Variants in ZFAND3 observed in about 807,000 individuals in gnomAD.
The protein encoded by ZFAND3 is AN1-type zinc finger protein 3.
In ZFAND3, 10 loss-of-function variants were observed where a neutral mutation model predicts 29.6. The ratio of observed to expected loss-of-function variants is 0.34; its 90% CI spans 0.21 to 0.57. The LOEUF is 0.57. Ranked by LOEUF, ZFAND3 falls within the 20% of genes least tolerant of loss-of-function variation. The pLI is 0.86. For missense variants in ZFAND3, 230 were observed against 304.5 expected (o/e 0.76, Z 1.82); for synonymous variants, 128 against 112.6 (o/e 1.14, Z -0.87).
Position 38,154,028 on chromosome 6 carries a change from C to T in ZFAND3, c.*1639C>T, listed in dbSNP as rs1158692237. On this transcript the variant is annotated 3_prime_UTR_variant, in exon 6 of 6. Coordinates refer to ENST00000287218, the MANE Select transcript of ZFAND3 (RefSeq NM_021943.3). ...TCATGCTCTTCCCACCCTCCACCCA[C>T]CAGAGTGGAACCCGCTGCAAAATCC... 1 of 985,428 alleles carries T rather than the reference C, an allele frequency of 1.0e-6. No individual in the cohort carries two copies. Among genetic ancestry groups the T allele is most frequent in the Non-Finnish European group, 1.2e-6 (1 of 829,976 alleles). 61.0% of individuals were successfully genotyped at this position (985,428 alleles called of 1,614,324 possible). A position where few individuals can be genotyped will look rare whatever the true frequency, so the allele number is the denominator to read the frequency against.
chr6:37,982,845 T>TA (rs2127432952), intron 2 of ZFAND3, among the ~76,000 whole-genome samples: 1 of 152,314 alleles, frequency 6.6e-6, no homozygotes, highest in South Asian at 2.1e-4. Flanking sequence ...CTATACCTGT[T>TA]ACTACCCCTG....
chr6:37,908,541 TTAAAAAAAAAA>T (rs796095200), intron 1 of ZFAND3, among the ~76,000 whole-genome samples: 1 of 58,340 alleles, frequency 1.7e-5, no homozygotes, highest in Non-Finnish European at 3.9e-5. Flanking sequence ...AAAAAAAAAA[TTAAAAAAAAAA>T]AAAAAAAGAA....
At chr6:37,939,309 A>G (rs983574785) in intron 2 of ZFAND3, among the ~76,000 whole-genome samples, 2 of 152,142 alleles carry the variant, frequency 1.3e-5, no homozygotes, top group African/African-American at 2.4e-5. Flanking sequence ...AGTTCTTGGC[A>G]TTCCTTTGCT....
intron 3 of ZFAND3, among the ~76,000 whole-genome samples, chr6:38,063,926 C>T (rs1764291755): frequency 6.6e-6 from 1 of 151,224 alleles, no homozygotes; most frequent in Non-Finnish European, 1.5e-5. Context: ...TGAATAGAGG[C>T]CAAGGTGTAG....
At chr6:38,032,749 A>G (rs1198174030) in intron 2 of ZFAND3, among the ~76,000 whole-genome samples, 2 of 152,356 alleles carry the variant, frequency 1.3e-5, no homozygotes, top group South Asian at 4.1e-4. Context: ...ATTTAGCTGA[A>G]GTTGTGCCTG....
At chr6:38,039,233 C>CTT (rs1220966243) in intron 2 of ZFAND3, among the ~76,000 whole-genome samples, 1 of 152,172 alleles carries the variant, frequency 6.6e-6, no homozygotes, top group East Asian at 1.9e-4. Context: ...AAAGGACAAT[C>CTT]TTAAAGGACC....
intron 2 of ZFAND3, among the ~76,000 whole-genome samples, chr6:37,986,617 C>T (rs921544612): frequency 6.6e-6 from 1 of 152,146 alleles, no homozygotes; most frequent in East Asian, 1.9e-4. Context: ...GTCTGTCCAG[C>T]TTTATGTTGA....
At chr6:38,128,191 AC>A (rs1475755471) in intron 5 of ZFAND3, among the ~76,000 whole-genome samples, 1 of 152,232 alleles carries the variant, frequency 6.6e-6, no homozygotes, top group Non-Finnish European at 1.5e-5. Flanking sequence ...ATAATAAATT[AC>A]AAAGTTTTAC....
intron 2 of ZFAND3, among the ~76,000 whole-genome samples, chr6:38,059,021 A>T (rs1344195139): frequency 6.6e-6 from 1 of 152,206 alleles, no homozygotes; most frequent in East Asian, 1.9e-4. Context: ...GTCAAGTTGT[A>T]AGAATCTTGT....
At chr6:38,009,648 T>G (rs1265451426) in intron 2 of ZFAND3, among the ~76,000 whole-genome samples, 1 of 152,182 alleles carries the variant, frequency 6.6e-6, no homozygotes, top group African/African-American at 2.4e-5. Flanking sequence ...TAATTTATAT[T>G]GAAGGAGGTT....
At chr6:38,144,181 TATAATATATATATATA>T (rs1253579739) in intron 5 of ZFAND3, among the ~76,000 whole-genome samples, 2 of 36,706 alleles carry the variant, frequency 5.4e-5, no homozygotes, top group Non-Finnish European at 8.9e-5. Context: ...GATATATATA[TATAATATATATATATA>T]TATATATATA....
At chr6:38,124,691 G>C (rs1430517837) in intron 5 of ZFAND3, among the ~76,000 whole-genome samples, 3 of 152,274 alleles carry the variant, frequency 2.0e-5, no homozygotes, top group East Asian at 3.9e-4. Flanking sequence ...GTTCCTGCCC[G>C]CACCTTTCCC....
At chr6:37,896,509 C>CTT (rs1765206809) in intron 1 of ZFAND3, among the ~76,000 whole-genome samples, 1 of 111,046 alleles carries the variant, frequency 9.0e-6, no homozygotes, top group Non-Finnish European at 2.0e-5. Flanking sequence ...TTTTTTTCCT[C>CTT]TTTCTTTTCT....
intron 4 of ZFAND3, among the ~76,000 whole-genome samples, chr6:38,110,254 A>G (rs192151804): frequency 8.3e-4 from 127 of 152,288 alleles, no homozygotes; most frequent in South Asian, 2.7e-3. Flanking sequence ...TTTTAGGGTC[A>G]TTGGGAACAT....
intron 2 of ZFAND3, among the ~76,000 whole-genome samples, chr6:38,061,084 A>G (rs1163144019): frequency 1.3e-5 from 2 of 152,220 alleles, no homozygotes; most frequent in Non-Finnish European, 2.9e-5. Flanking sequence ...TCCCTTGTAA[A>G]TTGAATACAA....
intron 1 of ZFAND3, among the ~76,000 whole-genome samples, chr6:37,868,410 TAGAG>T (rs1262998185): frequency 6.6e-6 from 1 of 151,998 alleles, no homozygotes; most frequent in Non-Finnish European, 1.5e-5. Flanking sequence ...GCATTTGTGA[TAGAG>T]GGAGGGAGGG....
chr6:38,048,110 A>T (rs1429914982), intron 2 of ZFAND3, among the ~76,000 whole-genome samples: 1 of 151,442 alleles, frequency 6.6e-6, no homozygotes, highest in Non-Finnish European at 1.5e-5. Flanking sequence ...GGCTCAGGTG[A>T]TCCTCCTACC....
intron 2 of ZFAND3, among the ~76,000 whole-genome samples, chr6:38,021,843 G>A (rs527655221): frequency 6.6e-6 from 1 of 152,260 alleles, no homozygotes; most frequent in East Asian, 1.9e-4. Flanking sequence ...TTCAGTGTGA[G>A]GCAGGGAGAG....
chr6:37,887,617 T>C (rs1048244041), intron 1 of ZFAND3, among the ~76,000 whole-genome samples: 3 of 152,210 alleles, frequency 2.0e-5, no homozygotes, highest in Non-Finnish European at 2.9e-5. Context: ...TTTGCTTCTA[T>C]TTAGATTGGG....
Sources: allele counts gnomAD v4.1 joint callset (sites outside exome capture counted in the v4.1 genomes callset), GRCh38; gene constraint gnomAD v4.1.1; transcripts MANE v1.5; gene names NCBI Gene and HGNC (gene_info 2026-07-23, HGNC 2026-07-21).